Variants in PTGFRN observed in about 807,000 individuals in gnomAD.
PTGFRN encodes the protein prostaglandin F2 receptor negative regulator.
Under a neutral mutation model 83.2 loss-of-function variants are expected in PTGFRN, and 35 were observed. That is an observed-to-expected ratio of 0.42 (90% CI 0.32 to 0.56). PTGFRN has a LOEUF of 0.56. PTGFRN is among the 20% of genes least tolerant of loss of function. PTGFRN has a pLI of 0.11. For missense variants in PTGFRN, 1,051 were observed against 1,179.5 expected (o/e 0.89, Z 1.60); for synonymous variants, 519 against 498.6 (o/e 1.04, Z -0.55).
intron 1 of PTGFRN, among the ~76,000 whole-genome samples, chr1:116,921,192 T>C (rs1246701177): frequency 1.3e-5 from 2 of 152,272 alleles, no homozygotes; most frequent in African/African-American, 4.8e-5. Context: ...CTGTTGATGC[T>C]GCTGCTAAGC....
In PTGFRN at chr1:116,987,150, C is replaced by T. The variant is rs139077680; in HGVS notation, c.*183C>T. ...GAGCGCGGACATGTTTACCAGCACA[C>T]GGCTCTTCTTCCCACGGCACTTTCT... is the stretch of plus-strand genomic sequence containing the variant. On this transcript the variant is annotated 3_prime_UTR_variant, in exon 9 of 9. Transcript: ENST00000393203. 4.2e-5 allele frequency: 26 copies of T among 622,260 alleles called. No individual in the cohort carries two copies. The highest frequency in any genetic ancestry group is 1.7e-4 in the South Asian group (8 of 47,148). The allele number at this position is 622,260 out of a possible 1,614,324, so 38.5% of individuals were successfully genotyped here.
chr1:116,910,263 G>A lies in PTGFRN; in HGVS notation c.49+11G>A, dbSNP rs1285215936. ...CGCTCCTGTCGTTGGGTGAGTGTGC[G>A]CGGGGCTCAGCGGGGCACACGGGGA... On this transcript the variant is annotated intron_variant, in intron 1 of 8. Transcript: ENST00000393203. 4.3e-6 allele frequency: 6 copies of A among 1,410,544 alleles called. No homozygotes were observed. In the African/African-American group the frequency reaches 6.1e-5, roughly 14 times the overall value. The allele number at this position is 1,410,544 out of a possible 1,614,324, so 87.4% of individuals were successfully genotyped here.
chr1:116,922,065 G>A (rs1418651082), intron 1 of PTGFRN, among the ~76,000 whole-genome samples: 1 of 152,136 alleles, frequency 6.6e-6, no homozygotes, highest in Non-Finnish European at 1.5e-5. Context: ...CTGGGGAAGG[G>A]AGGTTGGTGG....
intron 1 of PTGFRN, among the ~76,000 whole-genome samples, chr1:116,921,802 T>C (rs1649543425): frequency 6.6e-6 from 1 of 152,164 alleles, no homozygotes; most frequent in African/African-American, 2.4e-5. Flanking sequence ...TCACTGTACA[T>C]ATGGGACTGT....
At chr1:116,931,416 C>T (rs1276713207) in intron 1 of PTGFRN, among the ~76,000 whole-genome samples, 1 of 152,004 alleles carries the variant, frequency 6.6e-6, no homozygotes, top group African/African-American at 2.4e-5. Flanking sequence ...GGACTTTTTG[C>T]TCAGTAGCTG....
chr1:116,910,510 T>G (rs1393287071), intron 1 of PTGFRN, among the ~76,000 whole-genome samples: 1 of 151,614 alleles, frequency 6.6e-6, no homozygotes, highest in African/African-American at 2.4e-5. Flanking sequence ...GCCCCCAACA[T>G]GTGCCGGGGG....
chr1:116,960,396 G>A (rs990747692), intron 4 of PTGFRN, among the ~76,000 whole-genome samples: 1 of 152,176 alleles, frequency 6.6e-6, no homozygotes, highest in Non-Finnish European at 1.5e-5. Context: ...CAGAACCATG[G>A]AGGTGCAGAA....
intron 4 of PTGFRN, among the ~76,000 whole-genome samples, chr1:116,956,509 A>G (rs1356214432): frequency 1.3e-5 from 2 of 152,226 alleles, no homozygotes; most frequent in African/African-American, 4.8e-5. Context: ...GTCATTATTT[A>G]AACTACTTAT....
At chr1:116,978,413 C>G (rs1316624062) in intron 7 of PTGFRN, among the ~76,000 whole-genome samples, 2 of 151,990 alleles carry the variant, frequency 1.3e-5, no homozygotes, top group African/African-American at 2.4e-5. Flanking sequence ...GGCAGAGACA[C>G]AACAAAAAAA....
At chr1:116,963,564 A>T (rs12085260) in intron 5 of PTGFRN, among the ~76,000 whole-genome samples, 27,095 of 151,952 alleles carry the variant, frequency 0.18, 2,608 homozygotes, top group Middle Eastern at 0.25. Flanking sequence ...TGGGTTTTTT[A>T]AGAGGGGGTG....
chr1:116,928,074 C>G (rs959135182), intron 1 of PTGFRN, among the ~76,000 whole-genome samples: 4 of 152,190 alleles, frequency 2.6e-5, no homozygotes, highest in African/African-American at 7.2e-5. Context: ...CTTCTTACCC[C>G]CTGTGGCCTG....
chr1:116,933,093 A>G (rs1998922), intron 1 of PTGFRN, among the ~76,000 whole-genome samples: 103,993 of 152,098 alleles, frequency 0.68, 37,459 homozygotes, highest in East Asian at 0.82. Context: ...ACTCGATTCT[A>G]ATATTGTTGT....
chr1:116,981,586 C>T (rs1161163819), intron 7 of PTGFRN, among the ~76,000 whole-genome samples: 1 of 152,238 alleles, frequency 6.6e-6, no homozygotes, highest in Non-Finnish European at 1.5e-5. Context: ...ATGCCACCAC[C>T]ATCCAGGTGG....
chr1:116,938,654 C>G (rs1649981394), intron 1 of PTGFRN, among the ~76,000 whole-genome samples: 1 of 152,162 alleles, frequency 6.6e-6, no homozygotes, highest in Non-Finnish European at 1.5e-5. Flanking sequence ...CCTGGCTCCT[C>G]CCAAATCTCA....
In PTGFRN at chr1:116,987,558, T is replaced by C. The variant is rs926608463; in HGVS notation, c.*591T>C. Reference sequence around the variant, plus strand: ...CAAACTTGGAGTATATAACTTCTTATTGAGCCCAACTGCTTTTTTTTTTTT... The same window carrying C: ...CAAACTTGGAGTATATAACTTCTTACTGAGCCCAACTGCTTTTTTTTTTTT... On this transcript the variant is annotated 3_prime_UTR_variant, in exon 9 of 9. Coordinates refer to ENST00000393203, the MANE Select transcript of PTGFRN (RefSeq NM_020440.4). 1 of 150,134 alleles carries C rather than the reference T, an allele frequency of 6.7e-6. No individual in the cohort carries two copies. Among genetic ancestry groups the C allele is most frequent in the African/African-American group, 2.5e-5 (1 of 40,664 alleles). 9.3% of individuals were successfully genotyped at this position (150,134 alleles called of 1,614,324 possible).
At chr1:116,968,277 T>G (rs977382579) in intron 6 of PTGFRN, among the ~76,000 whole-genome samples, 4 of 146,338 alleles carry the variant, frequency 2.7e-5, no homozygotes, top group African/African-American at 1.0e-4. Flanking sequence ...AGGTGTCAAT[T>G]GAATCATACA....
rs1317508990 is a variant in PTGFRN at position 116,941,081 on chromosome 1, C to A, written c.50-634C>A. Among the ~76,000 whole-genome samples the A allele has an allele frequency of 6.6e-6, 1 of 152,174 alleles. No homozygotes were observed. Among genetic ancestry groups the A allele is most frequent in the Non-Finnish European group, 1.5e-5 (1 of 68,036 alleles). Reference sequence around the variant, plus strand: ...ACCTGCCTCTCTCCCTTTGTGCTTCCACATCCTCATTCTGAATTTAGATCA... The same window carrying A: ...ACCTGCCTCTCTCCCTTTGTGCTTCAACATCCTCATTCTGAATTTAGATCA... On this transcript the variant is annotated intron_variant, in intron 1 of 8. Transcript: ENST00000393203. The surrounding 1 kb of genome is among the most constrained non-coding windows in gnomAD (Gnocchi z 5.0).
At chr1:116,977,993 A>G (rs1336818836) in intron 7 of PTGFRN, among the ~76,000 whole-genome samples, 5 of 152,224 alleles carry the variant, frequency 3.3e-5, no homozygotes, top group African/African-American at 4.8e-5. Context: ...AATAAAGAAG[A>G]AAAGAGAGAA....
chr1:116,917,006 G>A (rs1649420569), intron 1 of PTGFRN, among the ~76,000 whole-genome samples: 2 of 152,082 alleles, frequency 1.3e-5, no homozygotes, highest in Non-Finnish European at 2.9e-5. Flanking sequence ...TCAGGGAACG[G>A]AAGAAGTACT....
Sources: allele counts gnomAD v4.1 joint callset (sites outside exome capture counted in the v4.1 genomes callset), GRCh38; gene constraint gnomAD v4.1.1; non-coding constraint Gnocchi (gnomAD v3.1); transcripts MANE v1.5; gene names NCBI Gene and HGNC (gene_info 2026-07-23, HGNC 2026-07-21).